Variants in PUDP observed in about 807,000 individuals in gnomAD.
The protein encoded by PUDP is pseudouridine 5'-phosphatase, also known as pseudouridine-5'-phosphatase.
Under a neutral mutation model 9.4 loss-of-function variants are expected in PUDP, and 8 were observed. The ratio of observed to expected loss-of-function variants is 0.85; its 90% CI spans 0.50 to 1.53. The LOEUF (loss-of-function observed/expected upper bound fraction) is 1.53, where lower values mean the gene tolerates loss of function less well. Among genes scored for constraint, PUDP ranks in the 40% most tolerant of loss-of-function variants. PUDP has a pLI of 0.00. For synonymous variants in PUDP, 99 were observed against 80.7 expected (o/e 1.23, Z -1.22); for missense variants, 188 against 189.7 (o/e 0.99, Z 0.05).
Position 7,024,754 on chromosome X carries a change from C to CTTTTTTTTTTTTTTTTTTTTT in PUDP, c.205-46412_205-46411insAAAAAAAAAAAAAAAAAAAAA, listed in dbSNP as rs55692944. ...GGCGCTCGCCACCTCGCCCGGCTAA[C>CTTTTTTTTTTTTTTTTTTTTT]TTTTTTTTTTTTTTTTTTAGTAGAG... On this transcript the variant is annotated intron_variant and NMD_transcript_variant, in intron 1 of 3. Coordinates refer to the PUDP transcript ENST00000655425. 5.5e-5 allele frequency among the ~76,000 whole-genome samples: 3 copies of CTTTTTTTTTTTTTTTTTTTTT among 54,456 alleles called. 1 individual carries two copies. Among genetic ancestry groups the CTTTTTTTTTTTTTTTTTTTTT allele is most frequent in the African/African-American group, 1.5e-4 (2 of 13,226 alleles). The allele number at this position is 54,456 out of a possible 115,157, so 47.3% of individuals were successfully genotyped here.
rs3046297 is a variant in PUDP at position 6,733,770 on chromosome X, C to CTTTTTTTTT, written c.*248-27313_*248-27305dup. Among the ~76,000 whole-genome samples the CTTTTTTTTT allele has an allele frequency of 8.9e-4, 41 of 46,247 alleles. 3 individuals carry two copies. The highest frequency in any genetic ancestry group is 1.5e-3 in the Admixed American group (4 of 2,679). The allele number at this position is 46,247 out of a possible 115,157, so 40.2% of individuals were successfully genotyped here. A position where few individuals can be genotyped will look rare whatever the true frequency, so the allele number is the denominator to read the frequency against. The stretch of plus-strand genomic sequence containing the variant: ...ACTCGGAGCTGCCCTAAAGCAAAGC[C>CTTTTTTTTT]TTTTTTTTTTTTTTTTTTTTTTTTT... On this transcript the variant is annotated intron_variant and NMD_transcript_variant, in intron 3 of 3. Transcript: ENST00000655425.
chrX:6,869,711 A>T (rs72609567), intron 3 of PUDP, among the ~76,000 whole-genome samples: 10,120 of 110,290 alleles, frequency 0.092, 605 homozygotes, highest in East Asian at 0.46. Context: ...GAGATATACT[A>T]CACACCCATT....
intron 3 of PUDP, among the ~76,000 whole-genome samples, chrX:6,920,883 C>T (rs6639712): frequency 0.21 from 22,857 of 110,608 alleles, 1,907 homozygotes; most frequent in Admixed American, 0.35. Context: ...TTGGGGTTCA[C>T]AATTCCTCTA....
At chrX:6,751,491 C>T (rs143819307) in intron 3 of PUDP, among the ~76,000 whole-genome samples, 1,591 of 111,776 alleles carry the variant, frequency 0.014, 27 homozygotes, top group African/African-American at 0.049. Flanking sequence ...AGTAAACACC[C>T]TGTTCATCAG....
At chrX:6,988,015 G>A (rs1324834787) in intron 1 of PUDP, among the ~76,000 whole-genome samples, 1 of 111,969 alleles carries the variant, frequency 8.9e-6, no homozygotes, top group Non-Finnish European at 1.9e-5. Flanking sequence ...TGATTTCAAA[G>A]TCAATTCTAC....
At chrX:6,992,680 C>G (rs1488862521) in intron 1 of PUDP, among the ~76,000 whole-genome samples, 1 of 111,001 alleles carries the variant, frequency 9.0e-6, no homozygotes, top group African/African-American at 3.3e-5. Flanking sequence ...CACTCAACAG[C>G]GTAAGAACTT....
chrX:6,871,420 A>AT (rs1469242953), intron 3 of PUDP, among the ~76,000 whole-genome samples: 1 of 111,761 alleles, frequency 8.9e-6, no homozygotes, highest in Non-Finnish European at 1.9e-5. Flanking sequence ...GGAATTTTAG[A>AT]TTTTTTCAGG....
intron 3 of PUDP, among the ~76,000 whole-genome samples, chrX:6,765,358 C>G (rs1925272862): frequency 8.9e-6 from 1 of 111,782 alleles, no homozygotes; most frequent in African/African-American, 3.2e-5. Flanking sequence ...CTAACCTTAA[C>G]AAGAAATATG....
intron 3 of PUDP, among the ~76,000 whole-genome samples, chrX:6,760,440 C>A (rs1602609497): frequency 8.9e-6 from 1 of 112,036 alleles, no homozygotes; most frequent in African/African-American, 3.2e-5. Flanking sequence ...TCTTGTTAAA[C>A]CAGACACTCC....
At chrX:6,737,016 A>G (rs1924880648) in intron 3 of PUDP, among the ~76,000 whole-genome samples, 1 of 111,577 alleles carries the variant, frequency 9.0e-6, no homozygotes, top group Non-Finnish European at 1.9e-5. Flanking sequence ...GTTTTTTTAA[A>G]AAAGAGGAGG....
chrX:7,013,907 T>C (rs927903352), intron 1 of PUDP, among the ~76,000 whole-genome samples: 3 of 112,112 alleles, frequency 2.7e-5, no homozygotes, highest in Non-Finnish European at 5.6e-5. Flanking sequence ...GACAGCTTTC[T>C]GTATTCCCAG....
chrX:6,799,512 A>G (rs958794363), intron 3 of PUDP, among the ~76,000 whole-genome samples: 1 of 112,191 alleles, frequency 8.9e-6, no homozygotes, highest in Non-Finnish European at 1.9e-5. Flanking sequence ...TTAGCTATCA[A>G]TCCAGGCCTG....
intron 3 of PUDP, among the ~76,000 whole-genome samples, chrX:6,835,164 G>A (rs925830520): frequency 9.0e-6 from 1 of 111,014 alleles, no homozygotes; most frequent in African/African-American, 3.3e-5. Context: ...AGCCAGAACT[G>A]AAGAAATTGG....
chrX:7,042,051 T>C (rs1189479272), intron 1 of PUDP, among the ~76,000 whole-genome samples: 1 of 108,308 alleles, frequency 9.2e-6, no homozygotes. Context: ...TTGACGTCCA[T>C]GTTCATGTAA....
intron 3 of PUDP, among the ~76,000 whole-genome samples, chrX:6,839,909 T>C (rs144123858): frequency 0.019 from 2,136 of 110,024 alleles, 34 homozygotes; most frequent in Non-Finnish European, 0.032. Context: ...CCCTCCCCCA[T>C]ACACACAAAA....
chrX:6,799,134 T>C (rs1053798766), intron 3 of PUDP, among the ~76,000 whole-genome samples: 5 of 112,340 alleles, frequency 4.5e-5, no homozygotes, highest in Admixed American at 9.4e-5. Flanking sequence ...GGATGAGATA[T>C]GATATGTGGT....
At chrX:6,906,834 C>T (rs1318681683) in intron 3 of PUDP, among the ~76,000 whole-genome samples, 1 of 111,866 alleles carries the variant, frequency 8.9e-6, no homozygotes, top group African/African-American at 3.2e-5. Context: ...GCTTCCAGCA[C>T]ACTGAAAATG....
chrX:7,116,944 T>C (rs1034042094), intron 1 of PUDP: 78 of 1,163,880 alleles, frequency 6.7e-5, no homozygotes, highest in Non-Finnish European at 8.6e-5. Context: ...TTTTGCCATG[T>C]TACATGCCTG....
intron 3 of PUDP, among the ~76,000 whole-genome samples, chrX:6,959,971 G>A (rs1928683660): frequency 8.9e-6 from 1 of 112,404 alleles, no homozygotes; most frequent in Admixed American, 9.4e-5. Flanking sequence ...TCCTATGCCT[G>A]TCCCACCATT....
Sources: gnomAD v4.1 joint callset for allele counts (sites outside exome capture counted in the v4.1 genomes callset) on GRCh38, gnomAD v4.1.1 for gene constraint, MANE v1.5 for transcripts, NCBI Gene and HGNC (gene_info 2026-07-23, HGNC 2026-07-21) for gene names.